The following SAMD3 variants were observed in gnomAD, a reference collection of about 807,000 sequenced individuals.
The protein encoded by SAMD3 is sterile alpha motif domain-containing protein 3.
Under a neutral mutation model 58.5 loss-of-function variants are expected in SAMD3, and 63 were observed. The observed-to-expected ratio is 1.08, with a 90% confidence interval of 0.88 to 1.33. SAMD3 has a LOEUF of 1.33. Ranked by LOEUF, SAMD3 falls within the 40% of genes most tolerant of loss-of-function variation. The pLI, the probability that SAMD3 is intolerant of heterozygous loss-of-function variation, is 0.00. For synonymous variants in SAMD3, 220 were observed against 210.3 expected (o/e 1.05, Z -0.40); for missense variants, 604 against 608.4 (o/e 0.99, Z 0.08).
intron 9 of SAMD3, among the ~76,000 whole-genome samples, chr6:130,148,980 TAAAC>T (rs912092431): frequency 5.9e-5 from 9 of 152,204 alleles, no homozygotes; most frequent in East Asian, 1.9e-4. Context: ...TGAATTTACA[TAAAC>T]AAAGGCACCC....
intron 2 of SAMD3, among the ~76,000 whole-genome samples, chr6:130,279,436 G>A (rs952137500): frequency 3.3e-5 from 5 of 149,612 alleles, no homozygotes; most frequent in East Asian, 2.0e-4. Context: ...CTCCATGATT[G>A]TAAGTTTCCT....
intron 2 of SAMD3, among the ~76,000 whole-genome samples, chr6:130,243,313 C>T (rs563756684): frequency 6.6e-6 from 1 of 152,162 alleles, no homozygotes; most frequent in Admixed American, 6.5e-5. Context: ...TCTGATCCCA[C>T]CAGACTTTGC....
intron 2 of SAMD3, among the ~76,000 whole-genome samples, chr6:130,274,793 C>T (rs898758779): frequency 6.7e-6 from 1 of 149,568 alleles, no homozygotes; most frequent in African/African-American, 2.5e-5. Context: ...GGGACAAGGG[C>T]TGTGATTTCC....
intron 1 of SAMD3, among the ~76,000 whole-genome samples, chr6:130,327,628 TAA>T (rs1776798530): frequency 6.6e-6 from 1 of 152,214 alleles, no homozygotes; most frequent in Non-Finnish European, 1.5e-5. Flanking sequence ...GAAGCCTTAC[TAA>T]GTTGATTAAA....
chr6:130,169,521 G>A (rs985869024), intron 8 of SAMD3, among the ~76,000 whole-genome samples: 50 of 152,102 alleles, frequency 3.3e-4, no homozygotes, highest in African/African-American at 1.1e-3. Context: ...CCACCCTATC[G>A]TCTCTTTTTT....
chr6:130,301,123 T>G (rs1481385309), intron 2 of SAMD3, among the ~76,000 whole-genome samples: 1 of 152,188 alleles, frequency 6.6e-6, no homozygotes, highest in Admixed American at 6.5e-5. Flanking sequence ...TCCAGCTTCA[T>G]CCATGTCCCT....
At chr6:130,168,045 AG>A (rs1298101407) in intron 8 of SAMD3, among the ~76,000 whole-genome samples, 1 of 152,152 alleles carries the variant, frequency 6.6e-6, no homozygotes, top group Non-Finnish European at 1.5e-5. Context: ...CAGTGGGTGG[AG>A]GGTTAGGGAC....
chr6:130,180,941 T>TTTTC (rs1425298731), intron 7 of SAMD3, among the ~76,000 whole-genome samples: 1 of 64,294 alleles, frequency 1.6e-5, no homozygotes, highest in Non-Finnish European at 3.7e-5. Flanking sequence ...TCTTTTTTCT[T>TTTTC]TTTCTTTCTT....
chr6:130,339,380 T>G (rs942079908), intron 1 of SAMD3, among the ~76,000 whole-genome samples: 1 of 152,128 alleles, frequency 6.6e-6, no homozygotes, highest in African/African-American at 2.4e-5. Context: ...TTCCCATACA[T>G]CCTACATGTC....
At chr6:130,336,080 G>T in intron 1 of SAMD3, among the ~76,000 whole-genome samples, 1 of 151,982 alleles carries the variant, frequency 6.6e-6, no homozygotes, top group East Asian at 1.9e-4. Context: ...TGAGTTAATG[G>T]GTGCAGCACA....
At chr6:130,234,247 T>C (rs1395785629) in intron 2 of SAMD3, among the ~76,000 whole-genome samples, 2 of 151,960 alleles carry the variant, frequency 1.3e-5, no homozygotes, top group African/African-American at 4.8e-5. Flanking sequence ...AAATCCATTT[T>C]TATTTATTTA....
intron 5 of SAMD3, among the ~76,000 whole-genome samples, chr6:130,207,604 G>A (rs576443825): frequency 3.9e-5 from 6 of 152,118 alleles, no homozygotes; most frequent in African/African-American, 4.8e-5. Context: ...AGCCAATCAC[G>A]GGAAAGCTCT....
At chr6:130,185,319 T>A (rs12175303) in intron 5 of SAMD3, among the ~76,000 whole-genome samples, 1 of 152,092 alleles carries the variant, frequency 6.6e-6, no homozygotes, top group South Asian at 2.1e-4. Flanking sequence ...TTCACTTTTT[T>A]ATTTTTTATT....
At chr6:130,330,996 G>T (rs1369646927) in intron 1 of SAMD3, among the ~76,000 whole-genome samples, 1 of 152,176 alleles carries the variant, frequency 6.6e-6, no homozygotes, top group Non-Finnish European at 1.5e-5. Context: ...TAAGGGATAG[G>T]ATATTTCTTA....
chr6:130,266,397 G>A (rs954392404), intron 2 of SAMD3, among the ~76,000 whole-genome samples: 21 of 151,896 alleles, frequency 1.4e-4, no homozygotes, highest in Admixed American at 7.2e-4. Context: ...ATGAATTCCC[G>A]GCTCAAAAAA....
At chr6:130,164,810 G>A (rs2114627458) in intron 8 of SAMD3, among the ~76,000 whole-genome samples, 1 of 152,082 alleles carries the variant, frequency 6.6e-6, no homozygotes, top group Middle Eastern at 3.4e-3. Flanking sequence ...ACATTTCATT[G>A]GCCAGCCTTG....
At chr6:130,258,897 T>C (rs763064336) in intron 2 of SAMD3, among the ~76,000 whole-genome samples, 16 of 152,172 alleles carry the variant, frequency 1.1e-4, no homozygotes, top group Non-Finnish European at 2.1e-4. Flanking sequence ...TTTTAGCAAG[T>C]AGATTATTAA....
At chr6:130,208,351 G>A (rs573114491) in intron 5 of SAMD3, among the ~76,000 whole-genome samples, 124 of 152,308 alleles carry the variant, frequency 8.1e-4, no homozygotes, top group African/African-American at 2.7e-3. Flanking sequence ...TGGGACGGCC[G>A]TGAAATGCTG....
intron 1 of SAMD3, among the ~76,000 whole-genome samples, chr6:130,355,545 T>G (rs762342219): frequency 6.6e-6 from 1 of 152,222 alleles, no homozygotes; most frequent in South Asian, 2.1e-4. Context: ...TCCATGTAGT[T>G]TCAAAGACTG....
Sources: allele counts gnomAD v4.1 joint callset (sites outside exome capture counted in the v4.1 genomes callset), GRCh38; gene constraint gnomAD v4.1.1; transcripts MANE v1.5; gene names NCBI Gene and HGNC (gene_info 2026-07-23, HGNC 2026-07-21).